The following ALG8 variants were observed in gnomAD, a reference collection of about 807,000 sequenced individuals.
ALG8 encodes ALG8 alpha-1,3-glucosyltransferase.
Under a neutral mutation model 70.2 loss-of-function variants are expected in ALG8, and 48 were observed. The observed-to-expected ratio is 0.68, with a 90% CI of 0.54 to 0.87. The LOEUF (loss-of-function observed/expected upper bound fraction) is 0.87, where lower values mean the gene tolerates loss of function less well. Ranked by LOEUF, ALG8 falls within the 40% of genes least tolerant of loss-of-function variation. ALG8 has a pLI of 0.00. For synonymous variants in ALG8, 234 were observed against 229.0 expected, an observed-to-expected ratio of 1.02 and a Z score of -0.20; for missense variants, 572 against 608.7, an observed-to-expected ratio of 0.94 and a Z score of 0.64.
chr11:78,134,348 G>C (rs1019846434), intron 1 of ALG8, among the ~76,000 whole-genome samples: 1 of 152,086 alleles, frequency 6.6e-6, no homozygotes, highest in Admixed American at 6.6e-5. Context: ...ATGTTGGCCA[G>C]GCGGGTCTTG....
intron 5 of ALG8, among the ~76,000 whole-genome samples, chr11:78,116,639 G>A (rs1036873624): frequency 6.6e-6 from 1 of 151,930 alleles, no homozygotes; most frequent in African/African-American, 2.4e-5. Context: ...GACTGTTTGA[G>A]CCCAGGAGGT....
At chr11:78,135,588 C>T (rs658847) in intron 1 of ALG8, among the ~76,000 whole-genome samples, 2 of 152,140 alleles carry the variant, frequency 1.3e-5, no homozygotes, top group South Asian at 4.1e-4. Flanking sequence ...GTGCTCACGC[C>T]TGTAATCCCA....
At chr11:78,104,179 AT>A in intron 11 of ALG8, 127 bp from the exon 12 acceptor site, 1 of 929,650 alleles carries the variant, frequency 1.1e-6, no homozygotes, top group Non-Finnish European at 1.6e-6. Context: ...TTAATTTTAC[AT>A]TTTTGTGACA....
At position 78,139,278 on chromosome 11, in the gene ALG8, G is replaced by C. The variant is rs1305416609; in HGVS notation, c.95+216C>G. ...CCCTGAGGTTCAGAAACGTTAAAGT[G>C]ATTTGTTCCAAATCAGACAGCGCCA... On this transcript the variant is annotated intron_variant, in intron 1 of 12. Transcript: ENST00000299626. The C allele has an allele frequency of 4.9e-5, 29 of 594,168 alleles. No homozygotes were observed. In the South Asian group the frequency reaches 5.6e-4, roughly 11 times the overall value. 36.8% of individuals were successfully genotyped at this position (594,168 alleles called of 1,614,324 possible).
At chr11:78,107,063 C>A in intron 9 of ALG8, 117 bp from the exon 10 acceptor site, 1 of 1,230,422 alleles carries the variant, frequency 8.1e-7, no homozygotes, top group Non-Finnish European at 1.2e-6. Flanking sequence ...TTAGACAATT[C>A]TTCATGAAAC....
intron 1 of ALG8, chr11:78,137,540 T>C (rs1662010027): frequency 6.6e-6 from 1 of 152,238 alleles, no homozygotes; most frequent in African/African-American, 2.4e-5. Context: ...GCTTTTGATT[T>C]AAAGTCAGAG....
chr11:78,130,919 A>C (rs2136940680), intron 1 of ALG8, among the ~76,000 whole-genome samples: 2 of 151,964 alleles, frequency 1.3e-5, no homozygotes, highest in Middle Eastern at 6.8e-3. Context: ...TTTGTCCTTA[A>C]TTTTGGCAAT....
At chr11:78,138,854 C>T (rs1329033331) in intron 1 of ALG8, 1 of 454,182 alleles carries the variant, frequency 2.2e-6, no homozygotes, top group African/African-American at 2.0e-5. Flanking sequence ...CTGTGCCACT[C>T]CTCTCCCTCA....
chr11:78,108,575 G>T (rs181010035), intron 9 of ALG8, among the ~76,000 whole-genome samples: 4 of 152,306 alleles, frequency 2.6e-5, no homozygotes, highest in Admixed American at 6.5e-5. Flanking sequence ...GAAGTCCATA[G>T]ATGCTTTTGA....
At chr11:78,125,208 AT>A (rs1861013478) in intron 2 of ALG8, among the ~76,000 whole-genome samples, 1 of 151,476 alleles carries the variant, frequency 6.6e-6, no homozygotes, top group South Asian at 2.1e-4. Flanking sequence ...AATTTTTTGT[AT>A]TTTTAGTAGA....
chr11:78,117,513 C>G (rs1440941809), intron 5 of ALG8, among the ~76,000 whole-genome samples: 2 of 151,718 alleles, frequency 1.3e-5, no homozygotes, highest in African/African-American at 4.9e-5. Flanking sequence ...CAAGACCTGT[C>G]TCTAATCCTA....
At chr11:78,129,338 T>G (rs1861207312) in intron 1 of ALG8, among the ~76,000 whole-genome samples, 1 of 150,732 alleles carries the variant, frequency 6.6e-6, no homozygotes, top group East Asian at 2.0e-4. Flanking sequence ...GAGAATGGCA[T>G]GAACCCAGGA....
At chr11:78,112,390 G>A in intron 8 of ALG8, 1 of 419,974 alleles carries the variant, frequency 2.4e-6, no homozygotes, top group South Asian at 2.1e-5. Flanking sequence ...TTTATAGAGT[G>A]TCTACATATT....
chr11:78,119,684 T>C (rs1894037), intron 4 of ALG8, among the ~76,000 whole-genome samples: 100,497 of 152,074 alleles, frequency 0.66, 34,015 homozygotes, highest in African/African-American at 0.81. Context: ...CAACCTTGGC[T>C]TCCCAAAGTG....
chr11:78,121,512 G>GT (rs1237063665), intron 3 of ALG8, among the ~76,000 whole-genome samples: 1 of 148,662 alleles, frequency 6.7e-6, no homozygotes, highest in African/African-American at 2.5e-5. Flanking sequence ...TTGAGCTTGG[G>GT]GTCTGAGGCC....
chr11:78,104,150 C>T lies in ALG8; in HGVS notation c.1277-98G>A, dbSNP rs660061. ...AGCACACTGACACAGCTATATAGTG[C>T]TAATAATACTTTTTAAGTTTAATTT... On this transcript the variant is annotated intron_variant, in intron 11 of 12. Coordinates refer to ENST00000299626, the MANE Select transcript of ALG8 (RefSeq NM_024079.5). 187,160 of 898,152 alleles carry T rather than the reference C, an allele frequency of 0.21. 21,206 individuals are homozygous for T. The highest frequency in any genetic ancestry group is 0.26 in the Middle Eastern group (1,203 of 4,578). The allele number at this position is 898,152 out of a possible 1,614,324, so 55.6% of individuals were successfully genotyped here.
intron 5 of ALG8, among the ~76,000 whole-genome samples, chr11:78,115,710 T>C (rs1328909034): frequency 3.3e-5 from 5 of 152,188 alleles, no homozygotes; most frequent in African/African-American, 9.6e-5. Flanking sequence ...CTGAGTCTAA[T>C]GTGTTCATAA....
At chr11:78,103,229 G>T (rs1471277987) in intron 12 of ALG8, among the ~76,000 whole-genome samples, 1 of 152,290 alleles carries the variant, frequency 6.6e-6, no homozygotes, top group East Asian at 1.9e-4. Context: ...GGAGGCCAAG[G>T]TAAGTGGATC....
intron 8 of ALG8, among the ~76,000 whole-genome samples, chr11:78,110,239 C>A (rs992978410): frequency 1.3e-5 from 2 of 152,056 alleles, no homozygotes; most frequent in African/African-American, 4.8e-5. Context: ...GGCTGGAATG[C>A]AGTGGCGCAA....
Sources: allele counts gnomAD v4.1 joint callset (sites outside exome capture counted in the v4.1 genomes callset), GRCh38; gene constraint gnomAD v4.1.1; transcripts MANE v1.5; gene names NCBI Gene and HGNC (gene_info 2026-07-23, HGNC 2026-07-21).